Variants in NSF observed in about 807,000 individuals in gnomAD.
NSF encodes the protein vesicle-fusing ATPase.
In NSF, 14 loss-of-function variants were observed where a neutral mutation model predicts 50.3. That is an observed-to-expected ratio of 0.28 (90% confidence interval 0.18 to 0.44). The LOEUF is 0.44. Ranked by LOEUF, NSF falls within the 20% of genes least tolerant of loss-of-function variation. The pLI is 1.00. For missense variants in NSF, 218 were observed against 504.3 expected (o/e 0.43, Z 5.44); for synonymous variants, 109 against 175.7 (o/e 0.62, Z 3.00).
At position 46,631,061 on chromosome 17, in the gene NSF, TAC is replaced by T. The variant is rs61399986; in HGVS notation, c.238+655_238+656del. Among the ~76,000 whole-genome samples the T allele has an allele frequency of 5.3e-3, 653 of 122,442 alleles. 7 individuals are homozygous for T. The highest frequency in any genetic ancestry group is 0.014 in the African/African-American group (363 of 25,282). The allele number at this position is 122,442 out of a possible 152,430, so 80.3% of individuals were successfully genotyped here. ...CTCTCTGGGTCTCTGTCTCTCTCTG[TAC>T]ACACACACACACACACACACACACA... On this transcript the variant is annotated intron_variant, in intron 4 of 20. Coordinates refer to ENST00000398238, the MANE Select transcript of NSF (RefSeq NM_006178.4).
intron 17 of NSF, among the ~76,000 whole-genome samples, chr17:46,737,572 C>CGT (rs10564190): frequency 0.1 from 15,067 of 147,178 alleles, 896 homozygotes; most frequent in Non-Finnish European, 0.14. Context: ...GGTGTGTGTG[C>CGT]GTGTGTGTGT....
chr17:46,737,006 C>T (rs567291378), intron 17 of NSF, among the ~76,000 whole-genome samples: 9 of 152,228 alleles, frequency 5.9e-5, no homozygotes, highest in South Asian at 2.1e-4. Flanking sequence ...GAAAGGAGAT[C>T]GGAAGTTTCT....
chr17:46,625,802 T>C (rs1489990108), intron 2 of NSF, among the ~76,000 whole-genome samples: 2 of 110,114 alleles, frequency 1.8e-5, no homozygotes, highest in African/African-American at 9.2e-5. Flanking sequence ...CCAACTACTT[T>C]AGAGACTGAA....
At chr17:46,755,739 T>TGA in intron 20 of NSF, 63 bp from the exon 21 acceptor site, 1 of 1,463,810 alleles carries the variant, frequency 6.8e-7, no homozygotes, top group Non-Finnish European at 9.2e-7. Flanking sequence ...TTTTTTTTTT[T>TGA]TTGATGAATA....
chr17:46,725,011 T>C (rs1406744168), intron 15 of NSF, among the ~76,000 whole-genome samples: 2 of 152,176 alleles, frequency 1.3e-5, no homozygotes, highest in African/African-American at 4.8e-5. Context: ...TTAATTACTC[T>C]CTAATAAGGC....
intron 9 of NSF, among the ~76,000 whole-genome samples, chr17:46,684,477 A>G (rs2058477317): frequency 2.6e-5 from 4 of 152,152 alleles, no homozygotes; most frequent in Non-Finnish European, 4.4e-5. Flanking sequence ...TTGCTGGGTC[A>G]AATGGTATTT....
intron 9 of NSF, among the ~76,000 whole-genome samples, chr17:46,681,625 G>C (rs1185473251): frequency 6.9e-6 from 1 of 145,716 alleles, no homozygotes; most frequent in Non-Finnish European, 1.5e-5. Flanking sequence ...TTTTTGTTGA[G>C]GGTAAAATAA....
At chr17:46,720,217 G>A (rs967848474) in intron 15 of NSF, among the ~76,000 whole-genome samples, 3 of 152,212 alleles carry the variant, frequency 2.0e-5, no homozygotes, top group African/African-American at 7.2e-5. Flanking sequence ...TATATTAGCT[G>A]AGAGAAGTGG....
At chr17:46,755,625 C>A in intron 20 of NSF, 177 bp from the exon 21 acceptor site, 1 of 719,364 alleles carries the variant, frequency 1.4e-6, no homozygotes, top group Non-Finnish European at 2.3e-6. Flanking sequence ...CCTGCTTTTA[C>A]ATGCATGGAG....
intron 17 of NSF, among the ~76,000 whole-genome samples, chr17:46,747,476 C>T (rs993251708): frequency 3.3e-5 from 5 of 151,994 alleles, no homozygotes; most frequent in South Asian, 4.2e-4. Context: ...GATGAGGTTT[C>T]GCCATGTTAC....
At chr17:46,615,761 T>G (rs1461697763) in intron 1 of NSF, among the ~76,000 whole-genome samples, 1 of 45,096 alleles carries the variant, frequency 2.2e-5, no homozygotes, top group Non-Finnish European at 4.1e-5. Flanking sequence ...CTGTATACAA[T>G]TCTGTGATAT....
At chr17:46,726,394 G>A (rs1478116675) in intron 15 of NSF, among the ~76,000 whole-genome samples, 155 bp from the exon 16 acceptor site, 6 of 152,208 alleles carry the variant, frequency 3.9e-5, no homozygotes, top group Non-Finnish European at 7.3e-5. Flanking sequence ...TCTGTTCAGC[G>A]GTGATCCAGT....
rs926193377 is a variant in NSF, at chr17:46,755,381, C to A, written c.2213+12C>A. 1 of 1,608,850 alleles carries A rather than the reference C, an allele frequency of 6.2e-7. No homozygotes were observed. The highest frequency in any genetic ancestry group is 8.5e-7 in the Non-Finnish European group (1 of 1,175,166). On this transcript the variant is annotated intron_variant, in intron 20 of 20. Transcript: ENST00000398238. ...AGAGAAGAAGGAGCGTAAGTACATACAACATTTAATGACCATCAACCAAAC... is the reference window on the plus strand; with the variant it reads ...AGAGAAGAAGGAGCGTAAGTACATAAAACATTTAATGACCATCAACCAAAC...
chr17:46,755,413 C>T, intron 20 of NSF, 44 bp downstream of exon 20: 3 of 1,463,254 alleles, frequency 2.1e-6, no homozygotes, highest in Non-Finnish European at 2.9e-6. Context: ...AAACTTACCA[C>T]CCTGTTAAAT....
chr17:46,709,077 C>T (rs544994546), intron 13 of NSF, among the ~76,000 whole-genome samples: 1 of 152,030 alleles, frequency 6.6e-6, no homozygotes, highest in East Asian at 1.9e-4. Flanking sequence ...CCCACCTTGG[C>T]CTCCCAAAGT....
intron 13 of NSF, among the ~76,000 whole-genome samples, chr17:46,707,750 G>A (rs1191141450): frequency 6.6e-6 from 1 of 152,040 alleles, no homozygotes; most frequent in Non-Finnish European, 1.5e-5. Context: ...CCATTATATG[G>A]GCCAGGCGTG....
chr17:46,710,305 TA>T (rs2058706668), intron 13 of NSF, among the ~76,000 whole-genome samples: 2 of 152,314 alleles, frequency 1.3e-5, no homozygotes, highest in Non-Finnish European at 2.9e-5. Context: ...CCTTTGAGAT[TA>T]AAAGTTGACA....
chr17:46,754,980 A>G (rs1186342525), intron 19 of NSF, among the ~76,000 whole-genome samples: 3 of 152,238 alleles, frequency 2.0e-5, no homozygotes, highest in Non-Finnish European at 4.4e-5. Context: ...ATTGGTTGTC[A>G]TTTGAACTCT....
At chr17:46,733,800 T>G (rs1026640612) in intron 17 of NSF, among the ~76,000 whole-genome samples, 14 of 152,240 alleles carry the variant, frequency 9.2e-5, no homozygotes, top group African/African-American at 3.4e-4. Context: ...TCCAACGTCA[T>G]AGCAGTATTA....
Sources: allele counts gnomAD v4.1 joint callset (sites outside exome capture counted in the v4.1 genomes callset), GRCh38; gene constraint gnomAD v4.1.1; transcripts MANE v1.5; gene names NCBI Gene and HGNC (gene_info 2026-07-23, HGNC 2026-07-21).